Variants in MACROD2 observed in about 807,000 individuals in gnomAD.
MACROD2 encodes the protein mono-ADP ribosylhydrolase 2.
Under a neutral mutation model 70.4 loss-of-function variants are expected in MACROD2, and 36 were observed. The ratio of observed to expected loss-of-function variants is 0.51; its 90% confidence interval spans 0.39 to 0.68. The LOEUF is 0.68. MACROD2 is among the 30% of genes least tolerant of loss of function. The pLI is 0.00. For missense variants in MACROD2, 496 were observed against 538.4 expected, an observed-to-expected ratio of 0.92 and a Z score of 0.78; for synonymous variants, 172 against 178.8, an observed-to-expected ratio of 0.96 and a Z score of 0.30.
At chr20:15,466,311 A>T (rs772625441) in intron 7 of MACROD2, among the ~76,000 whole-genome samples, 1 of 152,222 alleles carries the variant, frequency 6.6e-6, no homozygotes, top group Non-Finnish European at 1.5e-5. Flanking sequence ...GCAGGCTTCC[A>T]AATTATTTTA....
At chr20:14,511,383 CCATAAATATATACACCT>C (rs2085028309) in intron 4 of MACROD2, among the ~76,000 whole-genome samples, 1 of 151,810 alleles carries the variant, frequency 6.6e-6, no homozygotes, top group Admixed American at 6.6e-5. Flanking sequence ...CTCATGTACC[CCATAAATATATACACCT>C]ACTAAGTACC....
At chr20:14,577,795 AAG>A (rs1203187847) in intron 4 of MACROD2, among the ~76,000 whole-genome samples, 21 of 18,832 alleles carry the variant, frequency 1.1e-3, no homozygotes, top group African/African-American at 3.6e-3. Flanking sequence ...AAGAAAAGGA[AAG>A]AGAAGAGAAG....
At chr20:15,343,757 A>C (rs765606496) in intron 6 of MACROD2, among the ~76,000 whole-genome samples, 1 of 152,316 alleles carries the variant, frequency 6.6e-6, no homozygotes, top group East Asian at 1.9e-4. Context: ...ATTTTTATTC[A>C]AAGATTCCAG....
intron 4 of MACROD2, among the ~76,000 whole-genome samples, chr20:14,661,313 G>A (rs185104388): frequency 6.8e-4 from 103 of 152,040 alleles, no homozygotes; most frequent in Admixed American, 1.8e-3. Flanking sequence ...GATTTTGAGC[G>A]TTTTTTCATA....
At chr20:14,030,937 A>G (rs2053239508) in intron 2 of MACROD2, among the ~76,000 whole-genome samples, 1 of 152,224 alleles carries the variant, frequency 6.6e-6, no homozygotes. Context: ...GATGAGAGAT[A>G]GGCATAGATA....
intron 3 of MACROD2, among the ~76,000 whole-genome samples, chr20:14,116,782 A>G (rs2054519141): frequency 6.6e-6 from 1 of 152,040 alleles, no homozygotes; most frequent in East Asian, 1.9e-4. Flanking sequence ...TTAATATAGT[A>G]TTTAGGCCAG....
chr20:14,655,395 T>C (rs1476461254), intron 4 of MACROD2, among the ~76,000 whole-genome samples: 3 of 151,556 alleles, frequency 2.0e-5, no homozygotes, highest in African/African-American at 7.3e-5. Flanking sequence ...TGTCTGAGTT[T>C]TGCTTCTGTG....
intron 8 of MACROD2, among the ~76,000 whole-genome samples, chr20:15,640,455 G>C (rs6079914): frequency 6.6e-6 from 1 of 152,284 alleles, no homozygotes; most frequent in Non-Finnish European, 1.5e-5. Context: ...GCTCTTGAGA[G>C]GATATTGGCA....
At chr20:14,791,344 C>T (rs2072448833) in intron 5 of MACROD2, among the ~76,000 whole-genome samples, 1 of 152,052 alleles carries the variant, frequency 6.6e-6, no homozygotes, top group African/African-American at 2.4e-5. Flanking sequence ...TTAGGAAGTG[C>T]TTTCACAAGC....
intron 5 of MACROD2, among the ~76,000 whole-genome samples, chr20:15,059,874 T>C: frequency 6.6e-6 from 1 of 152,270 alleles, no homozygotes. Context: ...TTCCTTTCAA[T>C]AAATTGAAAT....
chr20:14,000,261 A>G (rs566395181), intron 1 of MACROD2, among the ~76,000 whole-genome samples: 3 of 152,044 alleles, frequency 2.0e-5, no homozygotes, highest in African/African-American at 7.2e-5. Flanking sequence ...AACTTCTTCA[A>G]TGTCCTATAG....
intron 5 of MACROD2, among the ~76,000 whole-genome samples, chr20:14,945,278 A>T (rs536912089): frequency 1.6e-3 from 241 of 151,876 alleles, no homozygotes; most frequent in African/African-American, 5.6e-3. Context: ...GGTTTTCATC[A>T]TATTTGCCAG....
Position 14,412,615 on chromosome 20 carries a change from T to A in MACROD2, c.272-80864T>A, listed in dbSNP as rs1403835754. Among the ~76,000 whole-genome samples, 3 of 152,188 alleles carry A rather than the reference T, an allele frequency of 2.0e-5. No individual in the cohort carries two copies. In the East Asian group the frequency reaches 5.8e-4, roughly 29 times the overall value. ...CAGAGGAACCTAAATATAGTTACCA[T>A]CCCTGTAACCTTTGCATAATTGTTT... On this transcript the variant is annotated intron_variant, in intron 3 of 17. Coordinates refer to ENST00000684519, the MANE Select transcript of MACROD2 (RefSeq NM_001351661.2).
intron 16 of MACROD2, among the ~76,000 whole-genome samples, chr20:16,043,058 AG>A (rs1374508498): frequency 1.3e-5 from 2 of 152,074 alleles, no homozygotes; most frequent in African/African-American, 4.8e-5. Context: ...ACTTATTCAA[AG>A]GTAACTATAA....
intron 5 of MACROD2, among the ~76,000 whole-genome samples, chr20:15,158,675 A>G (rs2076326098): frequency 6.6e-6 from 1 of 152,142 alleles, no homozygotes. Context: ...TTGCAAAGCA[A>G]ATGAAAATCT....
intron 3 of MACROD2, among the ~76,000 whole-genome samples, chr20:14,451,155 T>C (rs1270856660): frequency 6.6e-6 from 1 of 151,976 alleles, no homozygotes; most frequent in Non-Finnish European, 1.5e-5. Flanking sequence ...AAGAGTATGT[T>C]ACCTGGCCGG....
intron 2 of MACROD2, among the ~76,000 whole-genome samples, chr20:14,039,805 G>GT (rs11482552): frequency 0.12 from 17,322 of 144,872 alleles, 1,059 homozygotes; most frequent in Admixed American, 0.17. Context: ...TTTGCCATCT[G>GT]TTTTTTTTTT....
intron 8 of MACROD2, among the ~76,000 whole-genome samples, chr20:15,502,348 T>C (rs77387799): frequency 0.029 from 4,366 of 152,218 alleles, 75 homozygotes; most frequent in Non-Finnish European, 0.042. Flanking sequence ...CACTGCTTGC[T>C]AGCAATGATG....
At chr20:15,374,337 C>A in intron 6 of MACROD2, among the ~76,000 whole-genome samples, 1 of 151,646 alleles carries the variant, frequency 6.6e-6, no homozygotes, top group East Asian at 1.9e-4. Flanking sequence ...CATATATAAT[C>A]ACTTATATGA....
Sources: allele counts gnomAD v4.1 joint callset (sites outside exome capture counted in the v4.1 genomes callset), GRCh38; gene constraint gnomAD v4.1.1; transcripts MANE v1.5; gene names NCBI Gene and HGNC (gene_info 2026-07-23, HGNC 2026-07-21).